The following LUZP2 variants were observed in gnomAD, a reference collection of about 807,000 sequenced individuals.
LUZP2 encodes the protein leucine zipper protein 2.
LUZP2 carries 52 observed loss-of-function variants against 51.6 expected under a neutral mutation model. The ratio of observed to expected loss-of-function variants is 1.01; its 90% confidence interval spans 0.81 to 1.27. The LOEUF (loss-of-function observed/expected upper bound fraction) is 1.27, where lower values mean the gene tolerates loss of function less well. LUZP2 is among the 50% of genes most tolerant of loss of function. LUZP2 has a pLI of 0.00. For missense variants in LUZP2, 436 were observed against 395.4 expected, an observed-to-expected ratio of 1.10 and a Z score of -0.87; for synonymous variants, 154 against 137.3, an observed-to-expected ratio of 1.12 and a Z score of -0.85.
chr11:24,940,106 G>A (rs1043418899), intron 7 of LUZP2, among the ~76,000 whole-genome samples: 1 of 151,968 alleles, frequency 6.6e-6, no homozygotes, highest in Non-Finnish European at 1.5e-5. Context: ...AGGATTGGAG[G>A]ATAATTATAT....
At chr11:25,044,653 G>A (rs1005962098) in intron 9 of LUZP2, among the ~76,000 whole-genome samples, 2 of 151,990 alleles carry the variant, frequency 1.3e-5, no homozygotes, top group Non-Finnish European at 2.9e-5. Context: ...TCAGTGTGGC[G>A]ATTCCTCAGG....
intron 4 of LUZP2, among the ~76,000 whole-genome samples, chr11:24,760,852 T>C (rs1037512371): frequency 6.6e-6 from 1 of 152,194 alleles, no homozygotes; most frequent in African/African-American, 2.4e-5. Flanking sequence ...TGGCTTTCCA[T>C]TGACTGTTTC....
At chr11:25,074,990 A>T (rs1297534554) in intron 10 of LUZP2, among the ~76,000 whole-genome samples, 1 of 152,206 alleles carries the variant, frequency 6.6e-6, no homozygotes, top group African/African-American at 2.4e-5. Flanking sequence ...CACTATGCAA[A>T]TTACTTTCTG....
At chr11:24,837,519 G>T (rs577251446) in intron 5 of LUZP2, among the ~76,000 whole-genome samples, 1 of 151,794 alleles carries the variant, frequency 6.6e-6, no homozygotes, top group South Asian at 2.1e-4. Flanking sequence ...AAATGTATCA[G>T]AATGACAACT....
At chr11:24,596,619 A>T (rs780184474) in intron 1 of LUZP2, among the ~76,000 whole-genome samples, 2 of 152,166 alleles carry the variant, frequency 1.3e-5, no homozygotes, top group African/African-American at 2.4e-5. Context: ...GCCTAAAATG[A>T]CATCTAGATA....
At chr11:24,843,247 A>T (rs1851090668) in intron 5 of LUZP2, among the ~76,000 whole-genome samples, 1 of 152,110 alleles carries the variant, frequency 6.6e-6, no homozygotes, top group Admixed American at 6.6e-5. Flanking sequence ...CAAAGATAAA[A>T]AAACAAAACA....
chr11:24,867,219 A>C (rs1262032971), intron 5 of LUZP2, among the ~76,000 whole-genome samples: 1 of 152,156 alleles, frequency 6.6e-6, no homozygotes, highest in Non-Finnish European at 1.5e-5. Context: ...TTCTCATCTT[A>C]CGGTAAGACA....
intron 4 of LUZP2, among the ~76,000 whole-genome samples, chr11:24,753,337 C>G (rs1046675693): frequency 1.1e-4 from 17 of 152,130 alleles, no homozygotes; most frequent in Non-Finnish European, 2.1e-4. Context: ...TGCCACCCTT[C>G]AGTAATTTCT....
chr11:24,958,409 C>A (rs1261399250), intron 7 of LUZP2, among the ~76,000 whole-genome samples: 1 of 152,094 alleles, frequency 6.6e-6, no homozygotes, highest in Non-Finnish European at 1.5e-5. Flanking sequence ...TCCTCTCCAG[C>A]ACCTGTTGTT....
intron 7 of LUZP2, among the ~76,000 whole-genome samples, chr11:24,960,771 T>C (rs1855370168): frequency 6.6e-6 from 1 of 152,208 alleles, no homozygotes; most frequent in South Asian, 2.1e-4. Context: ...ATTTTAGTTA[T>C]TTCTTGCCTT....
intron 10 of LUZP2, among the ~76,000 whole-genome samples, chr11:25,051,422 AG>A (rs1209327132): frequency 1.3e-5 from 2 of 152,374 alleles, no homozygotes; most frequent in African/African-American, 4.8e-5. Flanking sequence ...AATGTTAATA[AG>A]AAGTATAAAT....
chr11:24,749,017 G>T (rs997670875), intron 4 of LUZP2, among the ~76,000 whole-genome samples: 6 of 152,140 alleles, frequency 3.9e-5, no homozygotes, highest in Admixed American at 3.9e-4. Context: ...GATATAGATA[G>T]TTGATATAAA....
intron 9 of LUZP2, among the ~76,000 whole-genome samples, chr11:25,023,306 G>A (rs1488297648): frequency 2.6e-5 from 4 of 151,784 alleles, no homozygotes; most frequent in Non-Finnish European, 4.4e-5. Context: ...ATAATTAATA[G>A]CCTCAATTTC....
At chr11:24,640,327 C>CATGT (rs1347435297) in intron 1 of LUZP2, among the ~76,000 whole-genome samples, 3 of 151,830 alleles carry the variant, frequency 2.0e-5, no homozygotes, top group Admixed American at 6.6e-5. Flanking sequence ...CAATATTATA[C>CATGT]AGTACAAGAG....
chr11:24,534,061 GATAA>G (rs1314571102), intron 1 of LUZP2, among the ~76,000 whole-genome samples: 12 of 151,178 alleles, frequency 7.9e-5, no homozygotes, highest in East Asian at 5.8e-4. Flanking sequence ...CTGTGGAAAT[GATAA>G]ATAAATTGTT....
At chr11:24,851,517 G>A (rs931206561) in intron 5 of LUZP2, among the ~76,000 whole-genome samples, 1 of 152,158 alleles carries the variant, frequency 6.6e-6, no homozygotes, top group Non-Finnish European at 1.5e-5. Flanking sequence ...GTATTTTATT[G>A]AGGATTTTCA....
At chr11:24,503,349 A>G (rs952185719) in intron 1 of LUZP2, among the ~76,000 whole-genome samples, 12 of 152,200 alleles carry the variant, frequency 7.9e-5, no homozygotes, top group Admixed American at 6.5e-4. Context: ...CTAAGAGTAG[A>G]TGAAAGGTAC....
At chr11:24,740,304 C>G (rs1859090343) in intron 4 of LUZP2, among the ~76,000 whole-genome samples, 1 of 152,124 alleles carries the variant, frequency 6.6e-6, no homozygotes, top group Admixed American at 6.6e-5. Context: ...AGAGTTATAA[C>G]TTTTGAAAGA....
chr11:24,846,536 G>T (rs1851205690), intron 5 of LUZP2, among the ~76,000 whole-genome samples: 1 of 151,790 alleles, frequency 6.6e-6, no homozygotes, highest in African/African-American at 2.4e-5. Context: ...AAAACTGATA[G>T]AAACAAAGAA....
Sources: gnomAD v4.1 joint callset for allele counts (sites outside exome capture counted in the v4.1 genomes callset) on GRCh38, gnomAD v4.1.1 for gene constraint, MANE v1.5 for transcripts, NCBI Gene and HGNC (gene_info 2026-07-23, HGNC 2026-07-21) for gene names.